GRM8: variants seen among roughly 807,000 people sequenced by gnomAD.
GRM8 encodes glutamate metabotropic receptor 8.
A neutral mutation model predicts 87.2 loss-of-function variants in GRM8; 47 were observed. The observed-to-expected ratio is 0.54, with a 90% CI of 0.43 to 0.69. GRM8 has a LOEUF of 0.69. GRM8 is among the 30% of genes least tolerant of loss of function. GRM8 has a pLI of 0.00. For synonymous variants in GRM8, 396 were observed against 404.5 expected, an observed-to-expected ratio of 0.98 and a Z score of 0.25; for missense variants, 1,019 against 1,139.2, an observed-to-expected ratio of 0.89 and a Z score of 1.52.
intron 6 of GRM8, among the ~76,000 whole-genome samples, chr7:126,847,259 G>A (rs1198191375): frequency 1.3e-5 from 2 of 152,126 alleles, no homozygotes; most frequent in Non-Finnish European, 2.9e-5. Flanking sequence ...TCCAGTTTTT[G>A]TATGTGTGTG....
chr7:126,772,157 G>A (rs1818916257), intron 6 of GRM8, among the ~76,000 whole-genome samples: 1 of 152,154 alleles, frequency 6.6e-6, no homozygotes, highest in South Asian at 2.1e-4. Context: ...TTCTAGTCTG[G>A]TAACTATCCC....
At chr7:127,224,390 C>A (rs1797177757) in intron 2 of GRM8, among the ~76,000 whole-genome samples, 1 of 152,164 alleles carries the variant, frequency 6.6e-6, no homozygotes, top group South Asian at 2.1e-4. Context: ...CAGTAGGAAG[C>A]AGTGCAACAT....
chr7:127,097,189 C>G (rs1450876942), intron 3 of GRM8, among the ~76,000 whole-genome samples: 1 of 152,010 alleles, frequency 6.6e-6, no homozygotes, highest in African/African-American at 2.4e-5. Context: ...GCGCAGGGAC[C>G]CTGGAAGCAC....
intron 6 of GRM8, among the ~76,000 whole-genome samples, chr7:126,853,412 T>G (rs951184457): frequency 6.6e-6 from 1 of 152,164 alleles, no homozygotes; most frequent in Non-Finnish European, 1.5e-5. Context: ...ATAGAAAGAA[T>G]AGGTGAGCCT....
rs17865205 is a variant in GRM8, at chr7:127,217,818, A to G, written c.510+24877T>C. 7.0e-3 allele frequency among the ~76,000 whole-genome samples: 1,070 copies of G among 152,346 alleles called. 14 individuals carry two copies. The highest frequency in any genetic ancestry group is 0.024 in the African/African-American group (979 of 41,574). On this transcript the variant is annotated intron_variant, in intron 2 of 10. Transcript: ENST00000339582. ...TTTTTTAATGATTAAGAGATAGTCTACAGAATATCAGTGTTCCACTCTGTC... is the reference window on the plus strand; with the variant it reads ...TTTTTTAATGATTAAGAGATAGTCTGCAGAATATCAGTGTTCCACTCTGTC...
At chr7:126,775,479 G>GTTTTTTTTTTTTTTTTTTTTT (rs372733476) in intron 6 of GRM8, among the ~76,000 whole-genome samples, 2 of 104,748 alleles carry the variant, frequency 1.9e-5, no homozygotes, top group African/African-American at 8.7e-5. Context: ...TGACAAATAG[G>GTTTTTTTTTTTTTTTTTTTTT]TTTTTTTTTT....
chr7:126,440,848 A>C (rs1801392000), intron 10 of GRM8, among the ~76,000 whole-genome samples: 1 of 152,120 alleles, frequency 6.6e-6, no homozygotes, highest in Admixed American at 6.6e-5. Context: ...TAAAAATTAA[A>C]TGACAGTAGA....
intron 3 of GRM8, among the ~76,000 whole-genome samples, chr7:127,033,575 G>C (rs1817585090): frequency 6.6e-6 from 1 of 152,076 alleles, no homozygotes; most frequent in Non-Finnish European, 1.5e-5. Context: ...TAAGTAGTTT[G>C]CTCAAAGTTA....
chr7:126,682,907 G>A (rs1399061748), intron 7 of GRM8, among the ~76,000 whole-genome samples: 1 of 152,082 alleles, frequency 6.6e-6, no homozygotes, highest in African/African-American at 2.4e-5. Flanking sequence ...AAATTAGCTG[G>A]GCATAGTGGC....
At chr7:126,459,811 A>G (rs1486805089) in intron 9 of GRM8, among the ~76,000 whole-genome samples, 1 of 151,452 alleles carries the variant, frequency 6.6e-6, no homozygotes, top group East Asian at 2.0e-4. Context: ...AGGGAACTCT[A>G]TCTGAAAGGG....
intron 7 of GRM8, among the ~76,000 whole-genome samples, chr7:126,656,195 G>A (rs891373784): frequency 6.6e-6 from 1 of 152,086 alleles, no homozygotes; most frequent in Non-Finnish European, 1.5e-5. Flanking sequence ...GGAGATTGGG[G>A]TAAGATAACT....
Position 126,627,612 on chromosome 7 carries a change from T to C in GRM8, c.1358-18114A>G, listed in dbSNP as rs528602092. 1.8e-4 allele frequency among the ~76,000 whole-genome samples: 28 copies of C among 152,270 alleles called. No individual in the cohort carries two copies. In the South Asian group the frequency reaches 5.4e-3, roughly 29 times the overall value. On this transcript the variant is annotated intron_variant, in intron 7 of 10. Coordinates refer to ENST00000339582, the MANE Select transcript of GRM8 (RefSeq NM_000845.3). ...TAAGAAGTGGCAATAGTGAACACCT[T>C]TGCATTTTTTTTAACTTTAAAAGAA...
chr7:126,799,671 G>T (rs187405042), intron 6 of GRM8, among the ~76,000 whole-genome samples: 1 of 152,014 alleles, frequency 6.6e-6, no homozygotes, highest in Admixed American at 6.6e-5. Flanking sequence ...CCCCAGCTGG[G>T]GCACTCAGCT....
chr7:126,676,305 A>C (rs1371014662), intron 7 of GRM8, among the ~76,000 whole-genome samples: 1 of 152,222 alleles, frequency 6.6e-6, no homozygotes, highest in Non-Finnish European at 1.5e-5. Flanking sequence ...TCCTGCCCAA[A>C]GCAGTCTGCA....
chr7:126,991,878 C>T (rs967163533), intron 3 of GRM8, among the ~76,000 whole-genome samples: 1 of 152,064 alleles, frequency 6.6e-6, no homozygotes, highest in African/African-American at 2.4e-5. Flanking sequence ...TTCCATAATA[C>T]ACAGTGTTTT....
At chr7:127,225,803 G>A (rs1797285922) in intron 2 of GRM8, among the ~76,000 whole-genome samples, 1 of 151,644 alleles carries the variant, frequency 6.6e-6, no homozygotes, top group Admixed American at 6.6e-5. Flanking sequence ...AGGGACAGGA[G>A]TCCTGAATCC....
chr7:126,447,573 T>G (rs1173126591), intron 9 of GRM8, among the ~76,000 whole-genome samples: 1 of 151,876 alleles, frequency 6.6e-6, no homozygotes, highest in South Asian at 2.1e-4. Flanking sequence ...AAGACCAAAC[T>G]AATTGTGTCC....
intron 2 of GRM8, among the ~76,000 whole-genome samples, chr7:127,218,115 G>C (rs916711981): frequency 2.0e-5 from 3 of 152,228 alleles, no homozygotes; most frequent in Non-Finnish European, 2.9e-5. Flanking sequence ...CCCTCAAGGA[G>C]AGAACCACTA....
chr7:127,095,249 T>C (rs1465267165), intron 3 of GRM8, among the ~76,000 whole-genome samples: 1 of 152,186 alleles, frequency 6.6e-6, no homozygotes, highest in East Asian at 1.9e-4. Flanking sequence ...AGGACAACCA[T>C]ACACAGGGTC....
Sources: allele counts gnomAD v4.1 joint callset (sites outside exome capture counted in the v4.1 genomes callset), GRCh38; gene constraint gnomAD v4.1.1; transcripts MANE v1.5; gene names NCBI Gene and HGNC (gene_info 2026-07-23, HGNC 2026-07-21).